C2orf76: variants seen among roughly 807,000 people sequenced by gnomAD.
C2orf76 encodes the protein UPF0538 protein C2orf76.
C2orf76 carries 23 observed loss-of-function variants against 16.9 expected under a neutral mutation model. The ratio of observed to expected loss-of-function variants is 1.36; its 90% confidence interval spans 0.98 to 1.93. C2orf76 has a LOEUF of 1.93. Ranked by LOEUF, C2orf76 falls within the 30% of genes most tolerant of loss-of-function variation. The pLI, the probability that C2orf76 is intolerant of heterozygous loss-of-function variation, is 0.00. For missense variants in C2orf76, 152 were observed against 152.6 expected (o/e 1.00, Z 0.02); for synonymous variants, 48 against 52.3 (o/e 0.92, Z 0.35).
the C2orf76 span, among the ~76,000 whole-genome samples, chr2:119,294,596 A>C: frequency 6.6e-6 from 1 of 152,050 alleles, no homozygotes; most frequent in Non-Finnish European, 1.5e-5. Context: ...CAGGTGAGGG[A>C]CATGTCCGGG....
chr2:119,296,645 T>A, the C2orf76 span, among the ~76,000 whole-genome samples: 108,602 of 152,064 alleles, frequency 0.71, 39,817 homozygotes, highest in African/African-American at 0.89. Flanking sequence ...AGGCAGGAAC[T>A]TCACCATCTC....
At chr2:119,285,088 G>A in the C2orf76 span, among the ~76,000 whole-genome samples, 331 of 152,164 alleles carry the variant, frequency 2.2e-3, 1 homozygote, top group African/African-American at 7.6e-3. Context: ...TTCATTCTTA[G>A]GTTGACTTAA....
the C2orf76 span, among the ~76,000 whole-genome samples, chr2:119,287,442 C>T: frequency 6.6e-6 from 1 of 152,166 alleles, no homozygotes; most frequent in East Asian, 1.9e-4. Context: ...GACCCTCTCC[C>T]ACAACCCCAC....
downstream of C2orf76, among the ~76,000 whole-genome samples, chr2:119,299,781 G>T (rs1573611352): frequency 6.6e-6 from 1 of 152,250 alleles, no homozygotes; most frequent in African/African-American, 2.4e-5. Flanking sequence ...CACAGGTAAA[G>T]ATATGCTTAA....
At chr2:119,341,433 T>C (rs890315116) in intron 1 of C2orf76, among the ~76,000 whole-genome samples, 1 of 152,220 alleles carries the variant, frequency 6.6e-6, no homozygotes, top group African/African-American at 2.4e-5. Flanking sequence ...GATCATCTCA[T>C]ACAGAAAAAG....
chr2:119,367,023 C>T, upstream of C2orf76: 5 of 1,614,022 alleles, frequency 3.1e-6, no homozygotes, highest in Non-Finnish European at 4.2e-6. Context: ...CCTCCGCTGT[C>T]TCCCTGGAGT....
intron 1 of C2orf76, among the ~76,000 whole-genome samples, chr2:119,366,168 G>GT (rs1680975398): frequency 1.3e-5 from 2 of 151,998 alleles, no homozygotes; most frequent in Non-Finnish European, 2.9e-5. Context: ...GTCCCTACTT[G>GT]TAAGTTCCAA....
intron 4 of C2orf76, among the ~76,000 whole-genome samples, chr2:119,312,302 C>A (rs961149054): frequency 6.6e-6 from 1 of 152,166 alleles, no homozygotes; most frequent in Non-Finnish European, 1.5e-5. Context: ...GGCTGGAGTG[C>A]AGTGGCGTGA....
intron 2 of C2orf76, among the ~76,000 whole-genome samples, chr2:119,328,836 T>A (rs747617383): frequency 2.0e-5 from 3 of 152,226 alleles, no homozygotes; most frequent in African/African-American, 7.2e-5. Context: ...ATCTCTGCTT[T>A]GACCCTTAGG....
chr2:119,289,439 G>A, the C2orf76 span, among the ~76,000 whole-genome samples: 2 of 152,148 alleles, frequency 1.3e-5, no homozygotes, highest in East Asian at 1.9e-4. Context: ...TGTAATCCTA[G>A]CACTTTGGGA....
chr2:119,364,023 A>AAG (rs1270931042), intron 1 of C2orf76, among the ~76,000 whole-genome samples: 3 of 134,180 alleles, frequency 2.2e-5, no homozygotes, highest in Non-Finnish European at 5.0e-5. Context: ...GTCTCAAAAA[A>AAG]ATAGAGAGAG....
intron 5 of C2orf76, among the ~76,000 whole-genome samples, chr2:119,308,108 C>T (rs927374455): frequency 3.9e-5 from 6 of 152,074 alleles, no homozygotes; most frequent in African/African-American, 1.4e-4. Flanking sequence ...CGATTTTCCC[C>T]AACTTCATGG....
At chr2:119,334,093 C>T (rs1450462885) in intron 2 of C2orf76, among the ~76,000 whole-genome samples, 1 of 151,940 alleles carries the variant, frequency 6.6e-6, no homozygotes, top group Non-Finnish European at 1.5e-5. Context: ...GTGCCTGACC[C>T]CTTCAATGTA....
At chr2:119,355,977 A>G (rs920993607) in intron 1 of C2orf76, among the ~76,000 whole-genome samples, 3 of 152,248 alleles carry the variant, frequency 2.0e-5, no homozygotes, top group African/African-American at 7.2e-5. Context: ...AAGTGAAATT[A>G]AACAATGTGT....
intron 1 of C2orf76, among the ~76,000 whole-genome samples, chr2:119,342,820 G>C (rs1404890027): frequency 2.0e-5 from 3 of 151,948 alleles, no homozygotes; most frequent in African/African-American, 4.8e-5. Context: ...GAGTGCGGTG[G>C]TGCCATCTTG....
chr2:119,321,410 G>C lies in C2orf76; in HGVS notation c.134-206C>G, dbSNP rs190153524. Among the ~76,000 whole-genome samples, 3 of 152,178 alleles carry C rather than the reference G, an allele frequency of 2.0e-5. No individual in the cohort carries two copies. In the East Asian group the frequency reaches 5.8e-4, roughly 29 times the overall value. On this transcript the variant is annotated intron_variant, in intron 2 of 5. Coordinates refer to ENST00000334816, the MANE Select transcript of C2orf76 (RefSeq NM_001322331.2). ...ACTATAAAGAAATACCCAAGACTAG[G>C]TAATCTATTAAAAAAAATGTTTAAT...
intron 1 of C2orf76, among the ~76,000 whole-genome samples, chr2:119,357,991 C>T (rs1030077616): frequency 2.0e-5 from 3 of 152,140 alleles, no homozygotes; most frequent in African/African-American, 7.2e-5. Flanking sequence ...AATACAATAA[C>T]ATTCACAATC....
In C2orf76 at chr2:119,319,968, G is replaced by T. The variant is rs559912288; in HGVS notation, c.184+1186C>A. 7.2e-5 allele frequency among the ~76,000 whole-genome samples: 11 copies of T among 152,236 alleles called. No homozygotes were observed. In the East Asian group the frequency reaches 2.1e-3, roughly 29 times the overall value. On this transcript the variant is annotated intron_variant, in intron 3 of 5. Transcript: ENST00000334816. ...AGCCACTTGAAGTCTATCAAAACTC[G>T]AGTGGTTCTATAATTTCTTCACAAA...
chr2:119,291,592 G>A, the C2orf76 span, among the ~76,000 whole-genome samples: 16 of 151,802 alleles, frequency 1.1e-4, no homozygotes, highest in Non-Finnish European at 2.2e-4. Flanking sequence ...AAGGTTCTTG[G>A]AAAATAAAAA....
Sources: allele counts gnomAD v4.1 joint callset (sites outside exome capture counted in the v4.1 genomes callset), GRCh38; gene constraint gnomAD v4.1.1; transcripts MANE v1.5; gene names NCBI Gene and HGNC (gene_info 2026-07-23, HGNC 2026-07-21).